EBF1: variants seen among roughly 807,000 people sequenced by gnomAD.
The protein encoded by EBF1 is EBF transcription factor 1.
A neutral mutation model predicts 68.4 loss-of-function variants in EBF1; 10 were observed. That is an observed-to-expected ratio of 0.15 (90% confidence interval 0.09 to 0.25). The LOEUF (loss-of-function observed/expected upper bound fraction) is 0.25, where lower values mean the gene tolerates loss of function less well. Among genes scored for constraint, EBF1 ranks in the 10% least tolerant of loss-of-function variants. The pLI is 1.00. For missense variants in EBF1, 509 were observed against 794.4 expected (o/e 0.64, Z 4.32); for synonymous variants, 298 against 299.8 (o/e 0.99, Z 0.06).
intron 4 of EBF1, among the ~76,000 whole-genome samples, chr5:159,086,035 G>A (rs1049386810): frequency 3.9e-5 from 6 of 152,034 alleles, no homozygotes; most frequent in Non-Finnish European, 5.9e-5. Flanking sequence ...TTGGCCCATC[G>A]AAACCACTTT....
intron 10 of EBF1, among the ~76,000 whole-genome samples, chr5:158,744,218 T>C (rs1432698907): frequency 1.3e-5 from 2 of 151,164 alleles, no homozygotes; most frequent in Non-Finnish European, 2.9e-5. Context: ...AACACCAATA[T>C]ATAGGTAATA....
At chr5:159,002,417 G>A (rs981975039) in intron 6 of EBF1, among the ~76,000 whole-genome samples, 2 of 152,092 alleles carry the variant, frequency 1.3e-5, no homozygotes, top group East Asian at 1.9e-4. Flanking sequence ...CATATACCTC[G>A]CTTTTCCGCT....
chr5:158,729,755 C>G (rs28711046), intron 11 of EBF1, among the ~76,000 whole-genome samples: 2,611 of 152,324 alleles, frequency 0.017, 81 homozygotes, highest in African/African-American at 0.059. Flanking sequence ...GAAATTGAAG[C>G]TTGAAACTGA....
intron 6 of EBF1, among the ~76,000 whole-genome samples, chr5:158,869,167 T>C (rs1452687386): frequency 6.6e-6 from 1 of 152,106 alleles, no homozygotes; most frequent in Non-Finnish European, 1.5e-5. Flanking sequence ...GGCCGCCGTA[T>C]GGAAGAAAAT....
chr5:159,009,544 A>G (rs1165571990), intron 6 of EBF1, among the ~76,000 whole-genome samples: 1 of 152,218 alleles, frequency 6.6e-6, no homozygotes, highest in East Asian at 1.9e-4. Context: ...ATGAATACGA[A>G]AAAGATGGCA....
rs191114607 is a variant in EBF1, at chr5:158,800,006, G to A, written c.779-3531C>T. Among the ~76,000 whole-genome samples the A allele has an allele frequency of 7.1e-4, 108 of 152,202 alleles. 1 individual carries two copies. The highest frequency in any genetic ancestry group is 5.8e-3 in the Admixed American group (89 of 15,268). On this transcript the variant is annotated intron_variant, in intron 8 of 15. Coordinates refer to ENST00000313708, the MANE Select transcript of EBF1 (RefSeq NM_024007.5). ...AACTGCCAGGCTAAAAGAAGACCTG[G>A]AAATACTTGCAATTGTGGCTAAAAC...
At chr5:159,049,553 A>G (rs1334053671) in intron 6 of EBF1, among the ~76,000 whole-genome samples, 1 of 152,262 alleles carries the variant, frequency 6.6e-6, no homozygotes, top group Non-Finnish European at 1.5e-5. Context: ...CGAACTAAAT[A>G]TTCTGCAAAA....
chr5:158,956,722 T>C (rs1817190717), intron 6 of EBF1, among the ~76,000 whole-genome samples: 1 of 151,276 alleles, frequency 6.6e-6, no homozygotes, highest in Non-Finnish European at 1.5e-5. Context: ...AAGCATGTAC[T>C]ACCACTCCCA....
At chr5:158,900,306 G>C (rs1803023017) in intron 6 of EBF1, among the ~76,000 whole-genome samples, 1 of 152,124 alleles carries the variant, frequency 6.6e-6, no homozygotes, top group African/African-American at 2.4e-5. Context: ...GGGGAGTGGA[G>C]GGTGCAAAAC....
chr5:159,002,063 A>T (rs919839341), intron 6 of EBF1, among the ~76,000 whole-genome samples: 1 of 152,094 alleles, frequency 6.6e-6, no homozygotes, highest in Non-Finnish European at 1.5e-5. Context: ...CAGTTGTTGT[A>T]CATAATCTCT....
intron 6 of EBF1, among the ~76,000 whole-genome samples, chr5:159,049,715 G>A (rs1282483626): frequency 6.6e-6 from 1 of 152,210 alleles, no homozygotes; most frequent in African/African-American, 2.4e-5. Context: ...TGGTTCTTCA[G>A]AACTCTGGAA....
chr5:158,809,419 T>G (rs1223738080), intron 8 of EBF1, among the ~76,000 whole-genome samples: 1 of 152,168 alleles, frequency 6.6e-6, no homozygotes, highest in African/African-American at 2.4e-5. Context: ...TCAGTTTGGC[T>G]AAAATATTCA....
intron 6 of EBF1, among the ~76,000 whole-genome samples, chr5:158,849,930 T>TAC (rs1792300003): frequency 1.3e-5 from 2 of 152,342 alleles, no homozygotes; most frequent in South Asian, 4.1e-4. Flanking sequence ...CTCTAAGATT[T>TAC]ACCATTTAAC....
intron 10 of EBF1, among the ~76,000 whole-genome samples, chr5:158,753,904 C>T (rs1304142259): frequency 6.6e-6 from 1 of 151,952 alleles, no homozygotes; most frequent in Non-Finnish European, 1.5e-5. Context: ...TGTTGTAGAC[C>T]AAATGTTAAC....
chr5:158,868,968 G>A (rs539529344), intron 6 of EBF1, among the ~76,000 whole-genome samples: 5 of 152,080 alleles, frequency 3.3e-5, no homozygotes, highest in Admixed American at 2.0e-4. Flanking sequence ...TGACAAAGCC[G>A]GACCAAGAAA....
intron 11 of EBF1, among the ~76,000 whole-genome samples, chr5:158,725,174 A>G (rs78673781): frequency 5.3e-5 from 8 of 152,312 alleles, no homozygotes; most frequent in African/African-American, 1.9e-4. Context: ...GGAAGCCTTG[A>G]GTTCCTTCAC....
At chr5:159,097,819 C>A (rs1013231557) in intron 1 of EBF1, among the ~76,000 whole-genome samples, 5 of 152,234 alleles carry the variant, frequency 3.3e-5, no homozygotes, top group African/African-American at 1.2e-4. Context: ...TTCCAGAAAT[C>A]CTAAAGGCCA....
At chr5:158,927,984 T>C (rs936743114) in intron 6 of EBF1, among the ~76,000 whole-genome samples, 3 of 152,184 alleles carry the variant, frequency 2.0e-5, no homozygotes, top group Non-Finnish European at 4.4e-5. Flanking sequence ...AAAACCTATT[T>C]CTCACAACAC....
intron 9 of EBF1, among the ~76,000 whole-genome samples, chr5:158,790,313 G>A (rs1204519715): frequency 1.3e-5 from 2 of 152,202 alleles, no homozygotes; most frequent in African/African-American, 4.8e-5. Flanking sequence ...TGCAGCATTG[G>A]AGAATAATGG....
Sources: allele counts gnomAD v4.1 joint callset (sites outside exome capture counted in the v4.1 genomes callset), GRCh38; gene constraint gnomAD v4.1.1; transcripts MANE v1.5; gene names NCBI Gene and HGNC (gene_info 2026-07-23, HGNC 2026-07-21).